GALR1: variants seen among roughly 807,000 people sequenced by gnomAD.
GALR1 encodes the protein galanin receptor type 1.
A neutral mutation model predicts 17.9 loss-of-function variants in GALR1; 11 were observed. The ratio of observed to expected loss-of-function variants is 0.62; its 90% confidence interval spans 0.39 to 1.02. The LOEUF is 1.02. Among genes scored for constraint, GALR1 ranks in the 50% least tolerant of loss-of-function variants. The pLI is 0.01. For missense variants in GALR1, 441 were observed against 456.9 expected (o/e 0.97, Z 0.32); for synonymous variants, 206 against 205.7 (o/e 1.00, Z -0.01).
chr18:77,274,181 A>G lies in GALR1; in HGVS notation c.*5279A>G, dbSNP rs575063093. 1 of 152,204 alleles carries G rather than the reference A, an allele frequency of 6.6e-6. No individual in the cohort carries two copies. The highest frequency in any genetic ancestry group is 6.5e-5 in the Admixed American group (1 of 15,286). The allele number at this position is 152,204 out of a possible 1,614,324, so 9.4% of individuals were successfully genotyped here. A position where few individuals can be genotyped will look rare whatever the true frequency, so the allele number is the denominator to read the frequency against. On this transcript the variant is annotated 3_prime_UTR_variant, in exon 3 of 3. Transcript: ENST00000299727. ...TATTTGCTGGCTAGATTGTCCAAAA[A>G]CAAGCTCACTTGTTTTTGGGCAATC...
chr18:77,250,477 C>T lies in GALR1; in HGVS notation c.-72C>T. 7.2e-7 allele frequency: 1 copy of T among 1,385,988 alleles called. No homozygotes were observed. 85.9% of individuals were successfully genotyped at this position (1,385,988 alleles called of 1,614,324 possible). On this transcript the variant is annotated 5_prime_UTR_variant, in exon 1 of 3. Coordinates refer to ENST00000299727, the MANE Select transcript of GALR1 (RefSeq NM_001480.4). ...CGTGCTTTGCGCCGGGACCCCTGGC[C>T]ACCCCCGGCGCCTACTATCCCGCCC...
intron 2 of GALR1, among the ~76,000 whole-genome samples, chr18:77,258,591 A>ATGGTGGTGGTCATGGTGGTGATGG (rs1912655149): frequency 2.1e-4 from 2 of 9,658 alleles, no homozygotes; most frequent in Admixed American, 1.3e-3. Flanking sequence ...CATGGTGGTG[A>ATGGTGGTGGTCATGGTGGTGATGG]TGGTGGTGGT....
rs1476557307 is a variant in GALR1 at position 77,258,984 on chromosome 18, G to GA, written c.732+2761_732+2762insA. 3.2e-5 allele frequency among the ~76,000 whole-genome samples: 4 copies of GA among 124,728 alleles called. No homozygotes were observed. In the East Asian group the frequency reaches 1.1e-3, roughly 34 times the overall value. The allele number at this position is 124,728 out of a possible 152,430, so 81.8% of individuals were successfully genotyped here. A position where few individuals can be genotyped will look rare whatever the true frequency, so the allele number is the denominator to read the frequency against. ...CATGGTGGCGATTGTGGTGATGGTGGTGGATGGTGGTGGTGGTCACAGTGG... is the reference window on the plus strand; with the variant it reads ...CATGGTGGCGATTGTGGTGATGGTGGATGGATGGTGGTGGTGGTCACAGTGG... On this transcript the variant is annotated intron_variant, in intron 2 of 2. Transcript: ENST00000299727.
intron 1 of GALR1, 59 bp from the exon 2 acceptor site, chr18:77,256,099 C>T (rs1346954105): frequency 1.2e-6 from 1 of 850,928 alleles, no homozygotes; most frequent in African/African-American, 1.7e-5. Context: ...GTTAATGCAA[C>T]ATAGGCAGTG....
chr18:77,257,607 A>T (rs1419945272), intron 2 of GALR1, among the ~76,000 whole-genome samples: 1 of 152,154 alleles, frequency 6.6e-6, no homozygotes, highest in Non-Finnish European at 1.5e-5. Flanking sequence ...CCTCTGAGTC[A>T]CACTTCTTAT....
chr18:77,254,762 G>T (rs1378835982), intron 1 of GALR1, among the ~76,000 whole-genome samples: 3 of 152,178 alleles, frequency 2.0e-5, no homozygotes, highest in Non-Finnish European at 4.4e-5. Context: ...TCCCATTTCG[G>T]CTGGTAGAAC....
At chr18:77,259,292 CATGGTGGTGATGATGGTGGTGATG>C (rs1436839231) in intron 2 of GALR1, among the ~76,000 whole-genome samples, 1 of 52,376 alleles carries the variant, frequency 1.9e-5, no homozygotes, top group Non-Finnish European at 4.4e-5. Flanking sequence ...TCATGGTGGT[CATGGTGGTGATGATGGTGGTGATG>C]ATGGTGGTCA....
chr18:77,259,436 T>C (rs1912767822), intron 2 of GALR1, among the ~76,000 whole-genome samples: 1 of 151,500 alleles, frequency 6.6e-6, no homozygotes, highest in African/African-American at 2.4e-5. Flanking sequence ...GTCATGGTGG[T>C]GATGATGGTG....
chr18:77,251,326 C>A (rs1458301302), intron 1 of GALR1, 112 bp downstream of exon 1: 58 of 1,439,060 alleles, frequency 4.0e-5, no homozygotes, highest in Non-Finnish European at 5.2e-5. Context: ...AGCCTGGCCC[C>A]GGTGGTCCCC....
chr18:77,264,769 G>A (rs1386066921), intron 2 of GALR1, among the ~76,000 whole-genome samples: 3 of 152,162 alleles, frequency 2.0e-5, no homozygotes, highest in East Asian at 3.9e-4. Context: ...GGAAGGAGAA[G>A]AATGAGAGTA....
At chr18:77,261,930 C>A (rs1230650151) in intron 2 of GALR1, among the ~76,000 whole-genome samples, 3 of 152,056 alleles carry the variant, frequency 2.0e-5, no homozygotes, top group Admixed American at 6.5e-5. Context: ...CTCAAGAGAT[C>A]CTCCCACCTC....
chr18:77,251,975 G>A (rs999994473), intron 1 of GALR1, among the ~76,000 whole-genome samples: 1 of 152,230 alleles, frequency 6.6e-6, no homozygotes, highest in Non-Finnish European at 1.5e-5. Context: ...ATGGACTCGA[G>A]CTTTCGGCTT....
chr18:77,269,972 T>C lies in GALR1; in HGVS notation c.*1070T>C, dbSNP rs1321513742. On this transcript the variant is annotated 3_prime_UTR_variant, in exon 3 of 3. Transcript: ENST00000299727. ...GCATGCTTTTTCATTAAATTTGTAA[T>C]GATGTTTAATGAACATTTCCACCAA... The C allele has an allele frequency of 5.3e-5, 8 of 152,250 alleles. No homozygotes were observed. The highest frequency in any genetic ancestry group is 5.2e-4 in the Admixed American group (8 of 15,290). The allele number at this position is 152,250 out of a possible 1,614,324, so 9.4% of individuals were successfully genotyped here.
At chr18:77,267,057 C>T (rs1316566037) in intron 2 of GALR1, among the ~76,000 whole-genome samples, 1 of 152,244 alleles carries the variant, frequency 6.6e-6, no homozygotes, top group Non-Finnish European at 1.5e-5. Context: ...AGGTGCACCT[C>T]TTTGCGCTTA....
In GALR1 at chr18:77,269,194, A is replaced by G. The variant is rs2144968997; in HGVS notation, c.*292A>G. Reference sequence around the variant, plus strand: ...ACATGAAAGGGAACATATATATTCCATATATATGTTCAACTCTTCATAGAT... The same window carrying G: ...ACATGAAAGGGAACATATATATTCCGTATATATGTTCAACTCTTCATAGAT... On this transcript the variant is annotated 3_prime_UTR_variant, in exon 3 of 3. Coordinates refer to ENST00000299727, the MANE Select transcript of GALR1 (RefSeq NM_001480.4). 1 of 292,098 alleles carries G rather than the reference A, an allele frequency of 3.4e-6. No homozygotes were observed. Among genetic ancestry groups the G allele is most frequent in the Non-Finnish European group, 6.3e-6 (1 of 157,904 alleles). The allele number at this position is 292,098 out of a possible 1,614,324, so 18.1% of individuals were successfully genotyped here. A position where few individuals can be genotyped will look rare whatever the true frequency, so the allele number is the denominator to read the frequency against.
chr18:77,266,466 T>G (rs1355020331), intron 2 of GALR1, among the ~76,000 whole-genome samples: 1 of 152,234 alleles, frequency 6.6e-6, no homozygotes, highest in African/African-American at 2.4e-5. Context: ...CTCTGCCTAT[T>G]ACCCAGTTCC....
Position 77,273,374 on chromosome 18 carries a change from C to T in GALR1, c.*4472C>T, listed in dbSNP as rs895800717. On this transcript the variant is annotated 3_prime_UTR_variant, in exon 3 of 3. Transcript: ENST00000299727. Reference sequence around the variant, plus strand: ...AGGGAAGGTGGGGCCGGGCATGTGACTTATGCCTGTAATCCCAGCACTTTG... The same window carrying T: ...AGGGAAGGTGGGGCCGGGCATGTGATTTATGCCTGTAATCCCAGCACTTTG... The T allele has an allele frequency of 6.6e-6, 1 of 152,340 alleles. No individual in the cohort carries two copies. The highest frequency in any genetic ancestry group is 1.5e-5 in the Non-Finnish European group (1 of 68,180). 9.4% of individuals were successfully genotyped at this position (152,340 alleles called of 1,614,324 possible).
At chr18:77,259,697 G>A (rs1272128301) in intron 2 of GALR1, among the ~76,000 whole-genome samples, 2 of 151,632 alleles carry the variant, frequency 1.3e-5, no homozygotes, top group African/African-American at 2.4e-5. Flanking sequence ...GGCAATTGTG[G>A]TGATGGTGGT....
intron 2 of GALR1, among the ~76,000 whole-genome samples, chr18:77,261,721 A>G (rs537681429): frequency 2.0e-5 from 3 of 152,326 alleles, no homozygotes; most frequent in Admixed American, 2.0e-4. Context: ...GTTGATACCA[A>G]GCATTTTTTA....
Sources: gnomAD v4.1 joint callset for allele counts (sites outside exome capture counted in the v4.1 genomes callset) on GRCh38, gnomAD v4.1.1 for gene constraint, MANE v1.5 for transcripts, NCBI Gene and HGNC (gene_info 2026-07-23, HGNC 2026-07-21) for gene names.